The following SLCO3A1 variants were observed in gnomAD, a reference collection of about 807,000 sequenced individuals.
The protein encoded by SLCO3A1 is solute carrier organic anion transporter family member 3A1, also known as PGE1 transporter.
In SLCO3A1, 27 loss-of-function variants were observed where a neutral mutation model predicts 63.1. The observed-to-expected ratio is 0.43, with a 90% confidence interval of 0.32 to 0.59. The LOEUF is 0.59. SLCO3A1 is among the 20% of genes least tolerant of loss of function. SLCO3A1 has a pLI of 0.09. For synonymous variants in SLCO3A1, 473 were observed against 409.9 expected (o/e 1.15, Z -1.86); for missense variants, 773 against 945.8 (o/e 0.82, Z 2.40).
rs574711749 is a variant in SLCO3A1 at position 91,981,743 on chromosome 15, G to A, written c.646+65285G>A. Among the ~76,000 whole-genome samples, 133 of 152,238 alleles carry A rather than the reference G, an allele frequency of 8.7e-4. No homozygotes were observed. In the Middle Eastern group the frequency reaches 0.02, roughly 23 times the overall value. On this transcript the variant is annotated intron_variant, in intron 2 of 9. Transcript: ENST00000318445. ...TGGCTCTCTCAATTTTTTCTTGTTG[G>A]AAAGGTTGTCACAGATCCCCCTGCC...
chr15:92,099,189 T>C (rs2047574650), intron 3 of SLCO3A1, among the ~76,000 whole-genome samples: 1 of 152,194 alleles, frequency 6.6e-6, no homozygotes, highest in Non-Finnish European at 1.5e-5. Flanking sequence ...TGGCCATCTG[T>C]TTGCTTCACA....
intron 2 of SLCO3A1, among the ~76,000 whole-genome samples, chr15:91,983,242 C>T (rs925574139): frequency 2.2e-4 from 34 of 152,186 alleles, no homozygotes; most frequent in African/African-American, 8.0e-4. Flanking sequence ...ATTTTTACAG[C>T]GTTCCCACTT....
At chr15:92,072,586 T>C (rs1444097055) in intron 2 of SLCO3A1, among the ~76,000 whole-genome samples, 1 of 152,242 alleles carries the variant, frequency 6.6e-6, no homozygotes, top group Non-Finnish European at 1.5e-5. Flanking sequence ...AAGCTTATTA[T>C]CTTATGGTTC....
chr15:91,972,480 G>A (rs1471951204), intron 2 of SLCO3A1, among the ~76,000 whole-genome samples: 1 of 152,108 alleles, frequency 6.6e-6, no homozygotes, highest in East Asian at 1.9e-4. Context: ...CCAGAAAGTG[G>A]CCTTCCAACA....
At chr15:92,049,844 GA>G (rs1348507680) in intron 2 of SLCO3A1, among the ~76,000 whole-genome samples, 1 of 152,164 alleles carries the variant, frequency 6.6e-6, no homozygotes, top group African/African-American at 2.4e-5. Context: ...AGGCGGGGAG[GA>G]AAAGAAGACT....
At chr15:92,065,769 G>A (rs138096070) in intron 2 of SLCO3A1, among the ~76,000 whole-genome samples, 126 of 151,972 alleles carry the variant, frequency 8.3e-4, no homozygotes, top group African/African-American at 2.9e-3. Context: ...CTCATTTTAC[G>A]TGCACATTTT....
At position 92,147,154 on chromosome 15, in the gene SLCO3A1, C is replaced by T. The variant is rs376203894; in HGVS notation, c.1683C>T (p.Leu561=). The change falls in exon 8 of 10, where the codon CTC becomes CTT. Residue 561 remains leucine, a synonymous_variant. Coordinates refer to ENST00000318445, the MANE Select transcript of SLCO3A1 (RefSeq NM_013272.4). ...CACAGACACCCTCAGTCATCATCCT[C>T]ATCAGGTAAGCCCTCGGCACAGCCC... is the stretch of plus-strand genomic sequence containing the variant. The part of the protein sequence containing the change: ...AMAQTPSVII[L]IRTVSPELKS... 1.5e-5 allele frequency: 24 copies of T among 1,611,296 alleles called. No homozygotes were observed. Among genetic ancestry groups the T allele is most frequent in the Non-Finnish European group, 2.0e-5 (23 of 1,178,864 alleles).
intron 8 of SLCO3A1, among the ~76,000 whole-genome samples, chr15:92,150,658 C>T (rs898982334): frequency 1.1e-4 from 17 of 151,936 alleles, no homozygotes; most frequent in South Asian, 6.2e-4. Context: ...TGTCTTTAAA[C>T]GCAGGTTTTA....
intron 2 of SLCO3A1, among the ~76,000 whole-genome samples, chr15:92,014,618 C>T (rs1037079566): frequency 6.6e-6 from 1 of 152,164 alleles, no homozygotes; most frequent in African/African-American, 2.4e-5. Context: ...ACCTCTTCCT[C>T]CTCCACTTGT....
At chr15:92,089,153 G>A (rs2047441626) in intron 2 of SLCO3A1, among the ~76,000 whole-genome samples, 2 of 151,998 alleles carry the variant, frequency 1.3e-5, no homozygotes, top group South Asian at 2.1e-4. Flanking sequence ...AGCCTCCTGA[G>A]TAGCTGTTGA....
intron 2 of SLCO3A1, among the ~76,000 whole-genome samples, chr15:91,933,471 CT>C (rs1328231763): frequency 1.3e-5 from 2 of 152,026 alleles, no homozygotes; most frequent in African/African-American, 2.4e-5. Flanking sequence ...TATTAGCTTC[CT>C]TTTTTGTAAT....
At chr15:91,928,007 C>T (rs908430480) in intron 2 of SLCO3A1, among the ~76,000 whole-genome samples, 1 of 152,196 alleles carries the variant, frequency 6.6e-6, no homozygotes, top group African/African-American at 2.4e-5. Flanking sequence ...CATGTTAATA[C>T]CTGTGATTCT....
At chr15:92,116,934 G>A (rs2047802864) in intron 4 of SLCO3A1, among the ~76,000 whole-genome samples, 1 of 152,116 alleles carries the variant, frequency 6.6e-6, no homozygotes, top group Admixed American at 6.5e-5. Context: ...GGCCCACTAA[G>A]GCTTCCTCAA....
intron 2 of SLCO3A1, among the ~76,000 whole-genome samples, chr15:92,018,238 T>C (rs759681679): frequency 3.8e-4 from 58 of 152,218 alleles, no homozygotes; most frequent in Non-Finnish European, 6.3e-4. Context: ...TGTTGCTAAG[T>C]CTTTGTTTGG....
chr15:91,875,813 A>G lies in SLCO3A1; in HGVS notation c.180+21725A>G, dbSNP rs1177441490. On this transcript the variant is annotated intron_variant, in intron 1 of 9. Coordinates refer to ENST00000318445, the MANE Select transcript of SLCO3A1 (RefSeq NM_013272.4). This position sits in a 1 kb window ranked among gnomAD's most constrained non-coding sequence, Gnocchi z 4.5. ...GCCTGCTCTCTACTTTTGTAAGTCA[A>G]CTTTTATTGGAACACAGCCATGCTG... Among the ~76,000 whole-genome samples, 3 of 152,226 alleles carry G rather than the reference A, an allele frequency of 2.0e-5. No homozygotes were observed. The highest frequency in any genetic ancestry group is 1.3e-4 in the Admixed American group (2 of 15,280).
intron 2 of SLCO3A1, among the ~76,000 whole-genome samples, chr15:92,030,691 A>G (rs1014055702): frequency 6.6e-6 from 1 of 152,116 alleles, no homozygotes; most frequent in Non-Finnish European, 1.5e-5. Flanking sequence ...GTTGAGCAAC[A>G]TGCTCTAGGT....
chr15:92,103,605 G>A (rs2047631692), intron 3 of SLCO3A1, among the ~76,000 whole-genome samples: 1 of 151,970 alleles, frequency 6.6e-6, no homozygotes, highest in Non-Finnish European at 1.5e-5. Context: ...CCAAGCATGC[G>A]CCAGGCACTC....
intron 4 of SLCO3A1, among the ~76,000 whole-genome samples, chr15:92,110,764 C>T (rs2047718997): frequency 6.6e-6 from 1 of 152,208 alleles, no homozygotes; most frequent in African/African-American, 2.4e-5. Context: ...ACAGCAGGTG[C>T]TCAGTGCCTG....
intron 2 of SLCO3A1, among the ~76,000 whole-genome samples, chr15:92,068,701 T>G (rs900674903): frequency 6.6e-6 from 1 of 152,146 alleles, no homozygotes; most frequent in African/African-American, 2.4e-5. Context: ...CTGCAGGCAT[T>G]TGGAATGTTC....
Sources: allele counts gnomAD v4.1 joint callset (sites outside exome capture counted in the v4.1 genomes callset), GRCh38; gene constraint gnomAD v4.1.1; non-coding constraint Gnocchi (gnomAD v3.1); transcripts MANE v1.5; gene names NCBI Gene and HGNC (gene_info 2026-07-23, HGNC 2026-07-21).